Variants in SLC37A1 observed in about 807,000 individuals in gnomAD.
SLC37A1 encodes glucose-6-phosphate exchanger SLC37A1.
A neutral mutation model predicts 75.3 loss-of-function variants in SLC37A1; 49 were observed. That is an observed-to-expected ratio of 0.65 (90% confidence interval 0.52 to 0.83). The LOEUF (loss-of-function observed/expected upper bound fraction) is 0.83. Among genes scored for constraint, SLC37A1 ranks in the 40% least tolerant of loss-of-function variants. The pLI is 0.00. For synonymous variants in SLC37A1, 268 were observed against 292.1 expected, an observed-to-expected ratio of 0.92 and a Z score of 0.84; for missense variants, 566 against 695.0, an observed-to-expected ratio of 0.81 and a Z score of 2.09.
chr21:42,537,293 G>C (rs1462248703), intron 5 of SLC37A1, among the ~76,000 whole-genome samples: 2 of 152,232 alleles, frequency 1.3e-5, no homozygotes, highest in African/African-American at 4.8e-5. Flanking sequence ...GCTGGAGAGT[G>C]TGGTGTGTAC....
chr21:42,538,884 C>T (rs1376070659), intron 5 of SLC37A1, among the ~76,000 whole-genome samples: 3 of 152,176 alleles, frequency 2.0e-5, no homozygotes, highest in Non-Finnish European at 4.4e-5. Context: ...TTTAGTGAAT[C>T]GCATTGCTGT....
chr21:42,516,907 G>A (rs1467113619), intron 1 of SLC37A1, among the ~76,000 whole-genome samples: 1 of 152,228 alleles, frequency 6.6e-6, no homozygotes, highest in East Asian at 1.9e-4. Context: ...ATTTCCCAGA[G>A]TAGATCCAGA....
chr21:42,558,932 T>G, intron 10 of SLC37A1, 26 bp from the exon 11 acceptor site: 2 of 1,613,542 alleles, frequency 1.2e-6, no homozygotes, highest in Non-Finnish European at 8.5e-7. Context: ...ACCTTTCCTT[T>G]TTGTTCCCAA....
intron 14 of SLC37A1, 78 bp from the exon 15 acceptor site, chr21:42,565,749 T>A: frequency 2.2e-6 from 3 of 1,395,228 alleles, no homozygotes; most frequent in Non-Finnish European, 3.0e-6. Context: ...CCGCCGGGTT[T>A]TTGAGAAGTA....
rs771511410 is a variant in SLC37A1 at position 42,542,431 on chromosome 21, G to A, written c.514G>A (p.Gly172Ser). 7 of 1,613,854 alleles carry A rather than the reference G, an allele frequency of 4.3e-6. No individual in the cohort carries two copies. Among genetic ancestry groups the A allele is most frequent in the South Asian group, 1.1e-5 (1 of 91,074 alleles). ...QVINGLVQTT[G>S]WPSVVTCLGN... is the part of the protein sequence containing the mutation. The stretch of plus-strand genomic sequence containing the variant: ...CATCAACGGGCTGGTGCAGACCACC[G>A]GCTGGCCCAGCGTCGTCACCTGCCT... Residue 172 changes from glycine to serine, a missense_variant, in exon 7 of 20, where the codon GGC (glycine) becomes AGC (serine). Physicochemically the swap from Gly to Ser is moderately conservative, Grantham distance 56. Transcript: ENST00000352133.
chr21:42,512,055 G>C (rs976487386), upstream of SLC37A1, among the ~76,000 whole-genome samples: 3 of 124,400 alleles, frequency 2.4e-5, no homozygotes, highest in African/African-American at 9.7e-5. Context: ...AAGAAGAATA[G>C]ATCTTAAATA....
In SLC37A1 at chr21:42,532,314, A is replaced by C. The variant is rs142470891; in HGVS notation, c.139-2384A>C. Among the ~76,000 whole-genome samples, 5 of 152,354 alleles carry C rather than the reference A, an allele frequency of 3.3e-5. No homozygotes were observed. The East Asian group carries it at 9.6e-4, about 29-fold the overall frequency. On this transcript the variant is annotated intron_variant, in intron 3 of 19. Coordinates refer to ENST00000352133, the MANE Select transcript of SLC37A1 (RefSeq NM_001320537.2). ...AATATTAAATCACAAAGGATATAAA[A>C]TTCTGTTTTAAGCGGCGGCCTGCAG...
At chr21:42,520,575 TG>T (rs2054623880) in intron 2 of SLC37A1, among the ~76,000 whole-genome samples, 1 of 152,032 alleles carries the variant, frequency 6.6e-6, no homozygotes, top group African/African-American at 2.4e-5. Flanking sequence ...TGAGTGAGGT[TG>T]GATTGGAATG....
intron 18 of SLC37A1, 199 bp downstream of exon 18, chr21:42,575,114 TG>T: frequency 1.0e-6 from 1 of 985,500 alleles, no homozygotes. Flanking sequence ...AGGACAGTCT[TG>T]CTCTGCAGCC....
At chr21:42,579,923 G>GCACGC (rs2056390053) in intron 19 of SLC37A1, 123 bp downstream of exon 19, 2 of 853,202 alleles carry the variant, frequency 2.3e-6, no homozygotes, top group Non-Finnish European at 3.8e-6. Flanking sequence ...TCTTTTCACG[G>GCACGC]CACGCCACCT....
intron 5 of SLC37A1, among the ~76,000 whole-genome samples, 173 bp downstream of exon 5, chr21:42,535,723 C>T (rs2055121140): frequency 1.3e-5 from 2 of 152,194 alleles, no homozygotes; most frequent in South Asian, 2.1e-4. Flanking sequence ...AGAGCAAGTG[C>T]GTGTGCTGTG....
rs1222624815 is a variant in SLC37A1 at position 42,568,757 on chromosome 21, CTTAT to C, written c.1423+323_1423+326del. Among the ~76,000 whole-genome samples, 5 of 152,128 alleles carry C rather than the reference CTTAT, an allele frequency of 3.3e-5. No individual in the cohort carries two copies. In the East Asian group the frequency reaches 9.6e-4, roughly 29 times the overall value. On this transcript the variant is annotated intron_variant, in intron 17 of 19. Transcript: ENST00000352133. ...GCCTTCATCTCAAGAAAGGCAGAAT[CTTAT>C]TTAAATTACAGAAAAACCAATTGGT...
At chr21:42,538,028 G>A (rs540940543) in intron 5 of SLC37A1, among the ~76,000 whole-genome samples, 1 of 152,342 alleles carries the variant, frequency 6.6e-6, no homozygotes, top group East Asian at 1.9e-4. Flanking sequence ...ATGTGAAATG[G>A]TGTTTGTTCA....
intron 10 of SLC37A1, among the ~76,000 whole-genome samples, chr21:42,558,230 T>C (rs1010632687): frequency 6.6e-6 from 1 of 152,242 alleles, no homozygotes; most frequent in African/African-American, 2.4e-5. Context: ...ATGTACACTT[T>C]GTCCTTTAGG....
chr21:42,546,934 T>C (rs972581543), intron 8 of SLC37A1, among the ~76,000 whole-genome samples, 169 bp from the exon 9 acceptor site: 6 of 152,228 alleles, frequency 3.9e-5, no homozygotes, highest in Non-Finnish European at 7.3e-5. Flanking sequence ...CTGCCCGCTT[T>C]TGTTTTTGTG....
intron 2 of SLC37A1, among the ~76,000 whole-genome samples, chr21:42,503,453 A>C (rs866462499): frequency 6.6e-6 from 1 of 151,904 alleles, no homozygotes; most frequent in Admixed American, 6.6e-5. Context: ...GGGTTTTGCC[A>C]TGTCGCCCAG....
intron 2 of SLC37A1, 99 bp downstream of exon 2, chr21:42,518,609 A>G: frequency 7.3e-7 from 1 of 1,361,418 alleles, no homozygotes. Flanking sequence ...TAAAACACAT[A>G]AAACTTGAAT....
At chr21:42,568,508 A>ACC in intron 17 of SLC37A1, 70 bp downstream of exon 17, 1 of 1,460,494 alleles carries the variant, frequency 6.8e-7, no homozygotes, top group Non-Finnish European at 9.5e-7. Context: ...ATGCTCGTGA[A>ACC]CAGGTACCCA....
At chr21:42,530,733 TC>T (rs964255400) in intron 3 of SLC37A1, among the ~76,000 whole-genome samples, 2 of 151,034 alleles carry the variant, frequency 1.3e-5, no homozygotes, top group African/African-American at 4.9e-5. Context: ...GAGGCCTGAA[TC>T]CCCTGCTCCT....
Sources: allele counts gnomAD v4.1 joint callset (sites outside exome capture counted in the v4.1 genomes callset), GRCh38; gene constraint gnomAD v4.1.1; transcripts MANE v1.5; gene names NCBI Gene and HGNC (gene_info 2026-07-23, HGNC 2026-07-21).